Variants in FRYL observed in about 807,000 individuals in gnomAD.
FRYL encodes the protein FRY like transcription coactivator.
A neutral mutation model predicts 351.2 loss-of-function variants in FRYL; 150 were observed. That is an observed-to-expected ratio of 0.43 (90% CI 0.37 to 0.49). The LOEUF is 0.49. Ranked by LOEUF, FRYL falls within the 20% of genes least tolerant of loss-of-function variation. FRYL has a pLI of 0.00. For synonymous variants in FRYL, 1,153 were observed against 1,257.1 expected (o/e 0.92, Z 1.75); for missense variants, 3,036 against 3,619.3 (o/e 0.84, Z 4.13).
intron 28 of FRYL, among the ~76,000 whole-genome samples, 176 bp from the exon 29 acceptor site, chr4:48,565,867 C>T (rs555045545): frequency 1.3e-5 from 2 of 152,290 alleles, no homozygotes; most frequent in South Asian, 2.1e-4. Context: ...ATCACAGAAA[C>T]AAAGTTGCAG....
intron 4 of FRYL, among the ~76,000 whole-genome samples, chr4:48,629,223 G>A (rs538883895): frequency 2.0e-5 from 3 of 152,092 alleles, no homozygotes; most frequent in Non-Finnish European, 4.4e-5. Context: ...TTTTGAAACC[G>A]TAACAATGAC....
At chr4:48,761,566 A>G (rs1293086758) in intron 1 of FRYL, among the ~76,000 whole-genome samples, 1 of 152,056 alleles carries the variant, frequency 6.6e-6, no homozygotes, top group Non-Finnish European at 1.5e-5. Flanking sequence ...AACAACTTCT[A>G]CTCCTGTAAA....
intron 22 of FRYL, 141 bp from the exon 23 acceptor site, chr4:48,579,382 T>C (rs1740367334): frequency 3.1e-6 from 2 of 650,050 alleles, no homozygotes; most frequent in Non-Finnish European, 5.0e-6. Context: ...TTGAAGGGAG[T>C]AGAGAATTCC....
At chr4:48,638,872 C>T (rs1347093798) in intron 3 of FRYL, among the ~76,000 whole-genome samples, 1 of 151,980 alleles carries the variant, frequency 6.6e-6, no homozygotes, top group African/African-American at 2.4e-5. Context: ...AACCAAACAC[C>T]GCATATTCTC....
intron 3 of FRYL, among the ~76,000 whole-genome samples, chr4:48,660,140 T>C (rs891574389): frequency 6.6e-6 from 1 of 151,858 alleles, no homozygotes; most frequent in East Asian, 1.9e-4. Context: ...CAATGTGGTA[T>C]GTCAGATACA....
chr4:48,706,552 G>A (rs567782715), intron 2 of FRYL, among the ~76,000 whole-genome samples: 4 of 152,278 alleles, frequency 2.6e-5, no homozygotes, highest in African/African-American at 9.6e-5. Flanking sequence ...AGAAAGTTCT[G>A]GAGATGCATG....
At chr4:48,563,672 T>C (rs1053489364) in intron 31 of FRYL, among the ~76,000 whole-genome samples, 3 of 150,220 alleles carry the variant, frequency 2.0e-5, no homozygotes, top group Non-Finnish European at 4.4e-5. Flanking sequence ...ATCATGCCAC[T>C]GCACTCTAGC....
chr4:48,590,594 T>C, intron 17 of FRYL, 65 bp downstream of exon 17: 1 of 1,207,788 alleles, frequency 8.3e-7, no homozygotes, highest in African/African-American at 1.5e-5. Flanking sequence ...TTATATTTGA[T>C]CAGACTTTTA....
At chr4:48,515,763 T>C (rs187406570) in intron 55 of FRYL, among the ~76,000 whole-genome samples, 5 of 152,332 alleles carry the variant, frequency 3.3e-5, no homozygotes, top group East Asian at 3.8e-4. Flanking sequence ...TATTATCATA[T>C]AGAAACATTG....
At chr4:48,674,631 G>A (rs1384517268) in intron 3 of FRYL, among the ~76,000 whole-genome samples, 2 of 148,872 alleles carry the variant, frequency 1.3e-5, no homozygotes, top group Non-Finnish European at 3.0e-5. Flanking sequence ...CAGCTACTCG[G>A]GAGGCTGAGG....
Position 48,582,566 on chromosome 4 carries a change from C to T in FRYL, c.1917G>A (p.Lys639=). The change falls in exon 20 of 64, where the codon AAG becomes AAA. Residue 639 remains lysine (K), a synonymous_variant. Coordinates refer to ENST00000358350, the MANE Select transcript of FRYL (RefSeq NM_015030.2). ...ACTGATTTATTAATTGTACCAACAT[C>T]TTTACGGCATTATCAAGAAGTGTGG... ...VHPTLLDNAV[K]MLVQLINQWK... 6 of 1,614,054 alleles carry T rather than the reference C, an allele frequency of 3.7e-6. No individual in the cohort carries two copies.
rs1553957678 is a variant in FRYL at position 48,632,110 on chromosome 4, A to ATGTATATATATG, written c.120+2180_120+2181insCATATATATACA. ...AAAAAAAATATATATATATATATATATATATATATATATATATATGCGCAC... is the reference window on the plus strand; with the variant it reads ...AAAAAAAATATATATATATATATATATGTATATATATGTATATATATATATATATATGCGCAC... On this transcript the variant is annotated intron_variant, in intron 4 of 63. Coordinates refer to ENST00000358350, the MANE Select transcript of FRYL (RefSeq NM_015030.2). Among the ~76,000 whole-genome samples, 3 of 94,756 alleles carry ATGTATATATATG rather than the reference A, an allele frequency of 3.2e-5. No individual in the cohort carries two copies. In the South Asian group the frequency reaches 1.2e-3, roughly 36 times the overall value. The allele number at this position is 94,756 out of a possible 152,430, so 62.2% of individuals were successfully genotyped here. A position where few individuals can be genotyped will look rare whatever the true frequency, so the allele number is the denominator to read the frequency against.
chr4:48,623,499 T>C (rs1751110924), intron 4 of FRYL, among the ~76,000 whole-genome samples: 1 of 152,206 alleles, frequency 6.6e-6, no homozygotes. Context: ...ATAGGTTTTG[T>C]TTAGATTCAA....
intron 3 of FRYL, among the ~76,000 whole-genome samples, chr4:48,647,276 G>C (rs570449327): frequency 6.6e-6 from 1 of 152,230 alleles, no homozygotes; most frequent in South Asian, 2.1e-4. Context: ...AGGACCCAGG[G>C]CCTGCTATAA....
intron 35 of FRYL, among the ~76,000 whole-genome samples, chr4:48,555,822 G>A (rs760231073): frequency 6.6e-6 from 1 of 152,194 alleles, no homozygotes; most frequent in Non-Finnish European, 1.5e-5. Context: ...GTGAACTTGG[G>A]GAATGCTGAG....
rs763475829 is a variant in FRYL, at chr4:48,498,615, A to ATAT, written c.*804_*806dup. The ATAT allele has an allele frequency of 3.9e-5, 6 of 152,674 alleles. No individual in the cohort carries two copies. Among genetic ancestry groups the ATAT allele is most frequent in the African/African-American group, 1.4e-4 (6 of 41,450 alleles). 9.5% of individuals were successfully genotyped at this position (152,674 alleles called of 1,614,324 possible). A position where few individuals can be genotyped will look rare whatever the true frequency, so the allele number is the denominator to read the frequency against. ...CAGCATTCCAATAACGTTAACAGAT[A>ATAT]TATTATTTCTTTTTGAAATACTGGG... On this transcript the variant is annotated 3_prime_UTR_variant, in exon 64 of 64. Transcript: ENST00000358350.
chr4:48,694,164 G>A (rs1162994410), intron 2 of FRYL, among the ~76,000 whole-genome samples: 1 of 152,128 alleles, frequency 6.6e-6, no homozygotes. Context: ...CATATCTCGG[G>A]ATGAAGAACA....
chr4:48,584,694 G>A (rs1221071958), intron 19 of FRYL, among the ~76,000 whole-genome samples: 1 of 152,186 alleles, frequency 6.6e-6, no homozygotes, highest in South Asian at 2.1e-4. Context: ...TGAGTTAACT[G>A]CTCATTGTAC....
At chr4:48,634,230 T>G in intron 4 of FRYL, 61 bp downstream of exon 4, 1 of 1,193,722 alleles carries the variant, frequency 8.4e-7, no homozygotes, top group Non-Finnish European at 1.2e-6. Flanking sequence ...AAAATCTGCA[T>G]TATAGTGGTT....
Sources: gnomAD v4.1 joint callset for allele counts (sites outside exome capture counted in the v4.1 genomes callset) on GRCh38, gnomAD v4.1.1 for gene constraint, MANE v1.5 for transcripts, NCBI Gene and HGNC (gene_info 2026-07-23, HGNC 2026-07-21) for gene names.